Variants in ODAD3 observed in about 807,000 individuals in gnomAD.
The protein encoded by ODAD3 is outer dynein arm docking complex subunit 3.
In ODAD3, 57 loss-of-function variants were observed where a neutral mutation model predicts 70.9. That is an observed-to-expected ratio of 0.80 (90% CI 0.65 to 1.00). The LOEUF is 1.00. ODAD3 is among the 50% of genes least tolerant of loss of function. The pLI, the probability that ODAD3 is intolerant of heterozygous loss-of-function variation, is 0.00. For synonymous variants in ODAD3, 327 were observed against 315.9 expected (o/e 1.04, Z -0.37); for missense variants, 797 against 763.9 (o/e 1.04, Z -0.51).
chr19:11,424,361 G>A (rs1457614667), intron 7 of ODAD3, among the ~76,000 whole-genome samples: 1 of 151,784 alleles, frequency 6.6e-6, no homozygotes, highest in Non-Finnish European at 1.5e-5. Context: ...AAAATTAGCA[G>A]GGCGTGGTGG....
chr19:11,425,479 G>A (rs1300113637), intron 7 of ODAD3, among the ~76,000 whole-genome samples: 4 of 122,020 alleles, frequency 3.3e-5, no homozygotes, highest in East Asian at 4.1e-4. Flanking sequence ...ATGTATATAT[G>A]TGTGTATATA....
chr19:11,435,669 AG>A, upstream of ODAD3: 1 of 1,299,638 alleles, frequency 7.7e-7, no homozygotes, highest in Non-Finnish European at 1.0e-6. Context: ...GCTGGACAAG[AG>A]GGGTGCGGTG....
Position 11,421,766 on chromosome 19 carries a change from C to T in ODAD3, c.1501G>A (p.Gly501Ser), listed in dbSNP as rs77133587. Residue 501 changes from glycine to serine, a missense_variant, in exon 11 of 13, where the codon GGC becomes AGC. Transcript: ENST00000356392. The part of the protein sequence containing the change: ...QADNYVPNLL[G>S]LVEEKLLKLQ... The stretch of plus-strand genomic sequence containing the variant: ...TTCAGCAGCTTTTCCTCCACGAGGC[C>T]CAGCAGGTTTGGCACATAGTTATCT... 2,436 of 1,613,418 alleles carry T rather than the reference C, an allele frequency of 1.5e-3. 40 individuals are homozygous for T. In the African/African-American group the frequency reaches 0.029, roughly 19 times the overall value.
At position 11,425,481 on chromosome 19, in the gene ODAD3, G is replaced by C. The variant is rs968088424; in HGVS notation, c.963+663C>G. Among the ~76,000 whole-genome samples the C allele has an allele frequency of 2.2e-5, 3 of 138,114 alleles. No individual in the cohort carries two copies. The South Asian group carries it at 6.7e-4, about 31-fold the overall frequency. 90.6% of individuals were successfully genotyped at this position (138,114 alleles called of 152,430 possible). On this transcript the variant is annotated intron_variant, in intron 7 of 12. Coordinates refer to ENST00000356392, the MANE Select transcript of ODAD3 (RefSeq NM_145045.5). ...TGTGTGTGTATATATGTATATATGT[G>C]TGTATATATGTATATATGTATATAT...
chr19:11,421,189 C>G lies in ODAD3; in HGVS notation c.1614G>C (p.Arg538Ser). The change falls in exon 12 of 13, where the codon AGG (arginine) becomes AGC (serine). Residue 538 changes from arginine (R) to serine (S), a missense_variant. By Grantham distance (110) the Arg-to-Ser change is moderately radical. Coordinates refer to ENST00000356392, the MANE Select transcript of ODAD3 (RefSeq NM_145045.5). ...CGATGCGGGTGTTGTATTCGGGCAG[C>G]CTTCCCTCTAAGCTGGCGAGGAACT... ...NREFLASLEG[R>S]LPEYNTRIAL... The G allele has an allele frequency of 2.5e-6, 4 of 1,613,548 alleles. No homozygotes were observed. The South Asian group carries it at 3.3e-5, about 13-fold the overall frequency.
At chr19:11,429,959 TC>T (rs1436722316) in intron 3 of ODAD3, among the ~76,000 whole-genome samples, 1 of 151,316 alleles carries the variant, frequency 6.6e-6, no homozygotes, top group Non-Finnish European at 1.5e-5. Context: ...AGCCTCAGCC[TC>T]CTGAATAGCT....
In ODAD3 at chr19:11,435,077, T is replaced by G. The variant is rs937222208; in HGVS notation, c.-61A>C. On this transcript the variant is annotated 5_prime_UTR_variant, in exon 1 of 13. Transcript: ENST00000356392. Reference sequence around the variant, plus strand: ...GGGATAACTAGGAGTCAGTCGCCCCTGTCAGGGATCCGTCAGCTCGGATTC... The same window carrying G: ...GGGATAACTAGGAGTCAGTCGCCCCGGTCAGGGATCCGTCAGCTCGGATTC... 5.2e-6 allele frequency: 8 copies of G among 1,535,158 alleles called. No homozygotes were observed. Among genetic ancestry groups the G allele is most frequent in the Non-Finnish European group, 7.0e-6 (8 of 1,145,694 alleles).
At position 11,434,771 on chromosome 19, in the gene ODAD3, A is replaced by G; in HGVS notation, c.244+2T>C. On this transcript the variant is annotated splice_donor_variant, in intron 1 of 12. Coordinates refer to ENST00000356392, the MANE Select transcript of ODAD3 (RefSeq NM_145045.5). LOFTEE classifies it high-confidence loss of function. ...CCTCTGTACCCTCTGGAGCCATCTT[A>G]CCTAACAGTTGTATCTTTTTATGTA... 6.2e-7 allele frequency: 1 copy of G among 1,609,652 alleles called. No individual in the cohort carries two copies. The highest frequency in any genetic ancestry group is 8.5e-7 in the Non-Finnish European group (1 of 1,176,802).
upstream of ODAD3, chr19:11,435,460 T>C (rs1231106075): frequency 2.8e-6 from 1 of 358,332 alleles, no homozygotes; most frequent in African/African-American, 2.1e-5. Flanking sequence ...TGCGCCGCCA[T>C]TAAGAGCTAG....
chr19:11,429,596 A>G (rs34097), intron 3 of ODAD3, among the ~76,000 whole-genome samples: 21,796 of 151,466 alleles, frequency 0.14, 3,285 homozygotes, highest in African/African-American at 0.39. Flanking sequence ...TTTTAGTAAA[A>G]ACAGGGTTTC....
intron 1 of ODAD3, chr19:11,431,307 C>T: frequency 2.8e-6 from 1 of 351,890 alleles, no homozygotes; most frequent in South Asian, 2.6e-5. Context: ...CATGGGGTTT[C>T]TCCATGTTGG....
chr19:11,425,545 A>G (rs1408350296), intron 7 of ODAD3, among the ~76,000 whole-genome samples: 1 of 121,764 alleles, frequency 8.2e-6, no homozygotes, highest in Non-Finnish European at 1.6e-5. Context: ...GTGTGTATGT[A>G]TGTATATATG....
At chr19:11,432,655 G>C (rs1048183424) in intron 1 of ODAD3, among the ~76,000 whole-genome samples, 2 of 152,138 alleles carry the variant, frequency 1.3e-5, no homozygotes, top group Non-Finnish European at 2.9e-5. Flanking sequence ...GTTGGATGCT[G>C]GACTAAGAGG....
In ODAD3 at chr19:11,422,489, C is replaced by T. The variant is rs1355431763; in HGVS notation, c.1416G>A (p.Lys472=). 6.3e-7 allele frequency: 1 copy of T among 1,593,708 alleles called. No individual in the cohort carries two copies. Among genetic ancestry groups the T allele is most frequent in the Non-Finnish European group, 8.5e-7 (1 of 1,171,762 alleles). The stretch of plus-strand genomic sequence containing the variant: ...GGCCTACCACAGTGATGTGGATCAG[C>T]TTGCTGGCCAGGTGCTCCAGGCTGT... ...AKDSLEHLAS[K]LIHITVEDGR... is the part of the protein sequence containing the mutation. The change falls in exon 10 of 13, where the codon AAG becomes AAA. Residue 472 remains lysine, a synonymous_variant. Transcript: ENST00000356392. This position sits in a 1 kb window ranked among gnomAD's most constrained non-coding sequence, Gnocchi z 4.6.
intron 7 of ODAD3, among the ~76,000 whole-genome samples, chr19:11,425,308 T>C (rs1474745669): frequency 7.7e-6 from 1 of 130,324 alleles, no homozygotes; most frequent in East Asian, 2.6e-4. Context: ...TATGTGTATG[T>C]GTACATATGT....
chr19:11,429,666 C>T (rs1357345849), intron 3 of ODAD3, among the ~76,000 whole-genome samples: 1 of 152,110 alleles, frequency 6.6e-6, no homozygotes, highest in Non-Finnish European at 1.5e-5. Flanking sequence ...CCTCGGCCTC[C>T]CAAAGTGCTG....
chr19:11,421,138 G>T lies in ODAD3; in HGVS notation c.1665C>A (p.Asp555Glu), dbSNP rs777210460. 19 of 1,613,202 alleles carry T rather than the reference G, an allele frequency of 1.2e-5. No individual in the cohort carries two copies. The South Asian group carries it at 2.1e-4, about 18-fold the overall frequency. ...RIALPLATSK[D>E]KFFDEESEEE... ...CCCACCCATACTGACCAAAAAACTT[G>T]TCCTTGGAAGTGGCAAGGGGCAGGG... The change falls in exon 12 of 13, where the codon GAC (aspartate) becomes GAA (glutamate). Residue 555 changes from aspartate to glutamate, a missense_variant. Coordinates refer to ENST00000356392, the MANE Select transcript of ODAD3 (RefSeq NM_145045.5).
chr19:11,427,164 A>C, intron 3 of ODAD3, 124 bp from the exon 4 acceptor site: 2 of 1,042,904 alleles, frequency 1.9e-6, no homozygotes, highest in African/African-American at 1.6e-5. Flanking sequence ...TTTTCTACCC[A>C]CCTCCCTGGC....
chr19:11,427,504 C>T (rs1168960188), intron 3 of ODAD3, among the ~76,000 whole-genome samples: 1 of 137,626 alleles, frequency 7.3e-6, no homozygotes, highest in South Asian at 2.3e-4. Context: ...TTTTTTGAAA[C>T]GGAGTCTCGC....
Sources: allele counts gnomAD v4.1 joint callset (sites outside exome capture counted in the v4.1 genomes callset), GRCh38; gene constraint gnomAD v4.1.1; non-coding constraint Gnocchi (gnomAD v3.1); transcripts MANE v1.5; gene names NCBI Gene and HGNC (gene_info 2026-07-23, HGNC 2026-07-21).